Variants in DPP8 observed in about 807,000 individuals in gnomAD.
DPP8 encodes dipeptidyl peptidase 8.
DPP8 carries 31 observed loss-of-function variants against 107.5 expected under a neutral mutation model. That is an observed-to-expected ratio of 0.29 (90% confidence interval 0.22 to 0.39). The LOEUF is 0.39. Among genes scored for constraint, DPP8 ranks in the 10% least tolerant of loss-of-function variants. DPP8 has a pLI of 1.00. For synonymous variants in DPP8, 381 were observed against 356.6 expected, an observed-to-expected ratio of 1.07 and a Z score of -0.77; for missense variants, 842 against 1,076.1, an observed-to-expected ratio of 0.78 and a Z score of 3.04.
At chr15:65,464,803 T>C (rs940322250) in intron 14 of DPP8, among the ~76,000 whole-genome samples, 1 of 152,230 alleles carries the variant, frequency 6.6e-6, no homozygotes, top group African/African-American at 2.4e-5. Context: ...GAAATGTCTA[T>C]GTGCAGAACT....
intron 5 of DPP8, 87 bp from the exon 6 acceptor site, chr15:65,490,386 G>A: frequency 1.2e-6 from 1 of 844,558 alleles, no homozygotes; most frequent in Non-Finnish European, 2.0e-6. Context: ...TTGGAAAGGT[G>A]GCTGGAATAC....
rs1277118391 is a variant in DPP8 at position 65,487,822 on chromosome 15, A to T, written c.827-4T>A. ...AGAATTTTACCACCACTGGGAGCTT[A>T]AAAGAAATTTAAATATTGAAAATTT... On this transcript the variant is annotated splice_region_variant and splice_polypyrimidine_tract_variant and intron_variant, in intron 6 of 19. Coordinates refer to ENST00000300141, the MANE Select transcript of DPP8 (RefSeq NM_130434.5). The T allele has an allele frequency of 6.6e-7, 1 of 1,519,990 alleles. No individual in the cohort carries two copies. Among genetic ancestry groups the T allele is most frequent in the Admixed American group, 1.9e-5 (1 of 52,278 alleles). The allele number at this position is 1,519,990 out of a possible 1,614,324, so 94.2% of individuals were successfully genotyped here.
chr15:65,462,366 T>TA (rs2065000943), intron 15 of DPP8, among the ~76,000 whole-genome samples: 2 of 152,232 alleles, frequency 1.3e-5, no homozygotes, highest in African/African-American at 2.4e-5. Flanking sequence ...TTTTATGGTT[T>TA]ATGTAGTTAT....
intron 6 of DPP8, among the ~76,000 whole-genome samples, chr15:65,489,010 G>A (rs961485610): frequency 1.3e-5 from 2 of 152,180 alleles, no homozygotes; most frequent in South Asian, 2.1e-4. Context: ...TGCCAGGCTG[G>A]AGCAGAGTGG....
chr15:65,444,720 A>G lies in DPP8; in HGVS notation c.*2164T>C, dbSNP rs961936501. 2.0e-5 allele frequency: 3 copies of G among 152,234 alleles called. No homozygotes were observed. The highest frequency in any genetic ancestry group is 3.2e-3 in the Middle Eastern group (1 of 316). The allele number at this position is 152,234 out of a possible 1,614,324, so 9.4% of individuals were successfully genotyped here. ...AAAACACCTGTGAACTCCAGAGTAC[A>G]TGAAGTTTTCTAAGTTTGTTTCGGT... is the stretch of plus-strand genomic sequence containing the variant. On this transcript the variant is annotated 3_prime_UTR_variant, in exon 20 of 20. Coordinates refer to ENST00000300141, the MANE Select transcript of DPP8 (RefSeq NM_130434.5).
chr15:65,465,641 C>T (rs578258862), intron 14 of DPP8, among the ~76,000 whole-genome samples: 253 of 151,012 alleles, frequency 1.7e-3, no homozygotes, highest in East Asian at 6.6e-3. Context: ...CTGCAACCTC[C>T]GCCTCCTGGG....
At chr15:65,485,976 C>T (rs562366317) in intron 7 of DPP8, among the ~76,000 whole-genome samples, 1 of 151,550 alleles carries the variant, frequency 6.6e-6, no homozygotes, top group Non-Finnish European at 1.5e-5. Flanking sequence ...CGCCTGTAAT[C>T]CCAGCTACTC....
At chr15:65,477,145 G>T (rs980915914) in intron 11 of DPP8, among the ~76,000 whole-genome samples, 1 of 152,202 alleles carries the variant, frequency 6.6e-6, no homozygotes, top group Non-Finnish European at 1.5e-5. Context: ...AATCAGCCGG[G>T]TGAGATGGCT....
intron 14 of DPP8, among the ~76,000 whole-genome samples, chr15:65,464,139 G>A (rs1396887176): frequency 6.6e-6 from 1 of 152,126 alleles, no homozygotes; most frequent in Non-Finnish European, 1.5e-5. Flanking sequence ...CGAGGCAGGT[G>A]GATCACAAGG....
At chr15:65,474,179 C>T (rs746365375) in intron 12 of DPP8, 30 bp downstream of exon 12, 1 of 1,480,402 alleles carries the variant, frequency 6.8e-7, no homozygotes, top group South Asian at 1.1e-5. Flanking sequence ...TAATACTGAC[C>T]AAACATATCA....
At chr15:65,466,898 A>G in intron 13 of DPP8, 85 bp from the exon 14 acceptor site, 2 of 1,432,228 alleles carry the variant, frequency 1.4e-6, no homozygotes, top group East Asian at 2.3e-5. Flanking sequence ...TGATATAGCA[A>G]GAGTATTATA....
chr15:65,476,665 A>G (rs1338655906), intron 11 of DPP8, among the ~76,000 whole-genome samples: 1 of 152,220 alleles, frequency 6.6e-6, no homozygotes, highest in Non-Finnish European at 1.5e-5. Flanking sequence ...TAGAATTACC[A>G]TATGATCCAG....
At chr15:65,482,953 C>T (rs916223316) in intron 8 of DPP8, among the ~76,000 whole-genome samples, 2 of 151,642 alleles carry the variant, frequency 1.3e-5, no homozygotes, top group Admixed American at 6.6e-5. Flanking sequence ...AAAAATTAGC[C>T]GGGCATCTTG....
chr15:65,470,713 G>A (rs1031446295), intron 12 of DPP8, among the ~76,000 whole-genome samples: 9 of 151,770 alleles, frequency 5.9e-5, no homozygotes, highest in South Asian at 2.1e-4. Flanking sequence ...GAGGTCACGG[G>A]TTCAAGACCC....
chr15:65,463,644 T>C, intron 15 of DPP8, 117 bp downstream of exon 15: 1 of 862,220 alleles, frequency 1.2e-6, no homozygotes, highest in Non-Finnish European at 1.7e-6. Context: ...ACGGAGTCAT[T>C]AAAAGCAAAT....
At position 65,445,971 on chromosome 15, in the gene DPP8, C is replaced by A. The variant is rs2063483530; in HGVS notation, c.*913G>T. 1 of 151,898 alleles carries A rather than the reference C, an allele frequency of 6.6e-6. No individual in the cohort carries two copies. The highest frequency in any genetic ancestry group is 1.5e-5 in the Non-Finnish European group (1 of 67,988). 9.4% of individuals were successfully genotyped at this position (151,898 alleles called of 1,614,324 possible). A position where few individuals can be genotyped will look rare whatever the true frequency, so the allele number is the denominator to read the frequency against. On this transcript the variant is annotated 3_prime_UTR_variant, in exon 20 of 20. Transcript: ENST00000300141. Reference sequence around the variant, plus strand: ...ACCCCACTGTGATTCCCTTCAATCTCCTTAAAATTCTAGAATATTTTAATA... The same window carrying A: ...ACCCCACTGTGATTCCCTTCAATCTACTTAAAATTCTAGAATATTTTAATA...
intron 2 of DPP8, among the ~76,000 whole-genome samples, chr15:65,508,647 G>A (rs1449441966): frequency 1.3e-5 from 2 of 152,148 alleles, no homozygotes; most frequent in Non-Finnish European, 2.9e-5. Context: ...GAGGTCAGGA[G>A]CTCGAGACCA....
chr15:65,472,917 A>G (rs1374023665), intron 12 of DPP8, among the ~76,000 whole-genome samples: 1 of 152,122 alleles, frequency 6.6e-6, no homozygotes, highest in African/African-American at 2.4e-5. Flanking sequence ...GTGTGCCTGT[A>G]GTCTCAGCTA....
rs184965233 is a variant in DPP8, at chr15:65,488,652, A to G, written c.827-834T>C. Among the ~76,000 whole-genome samples, 469 of 151,766 alleles carry G rather than the reference A, an allele frequency of 3.1e-3. 4 individuals are homozygous for G. The highest frequency in any genetic ancestry group is 0.011 in the African/African-American group (456 of 41,376). ...AACCCAAAAACAAAAACAAAACAGC[A>G]TAACAGTATCAGGGAGCATTACACA... On this transcript the variant is annotated intron_variant, in intron 6 of 19. Transcript: ENST00000300141.
Sources: allele counts gnomAD v4.1 joint callset (sites outside exome capture counted in the v4.1 genomes callset), GRCh38; gene constraint gnomAD v4.1.1; transcripts MANE v1.5; gene names NCBI Gene and HGNC (gene_info 2026-07-23, HGNC 2026-07-21).